Variants in CYP26B1 observed in about 807,000 individuals in gnomAD.
CYP26B1 encodes cytochrome P450 26B1.
CYP26B1 carries 8 observed loss-of-function variants against 39.1 expected under a neutral mutation model. That is an observed-to-expected ratio of 0.20 (90% CI 0.12 to 0.37). The LOEUF is 0.37. Among genes scored for constraint, CYP26B1 ranks in the 10% least tolerant of loss-of-function variants. The pLI is 1.00. For synonymous variants in CYP26B1, 321 were observed against 314.3 expected (o/e 1.02, Z -0.23); for missense variants, 615 against 707.0 (o/e 0.87, Z 1.48).
Position 72,147,618 on chromosome 2 carries a change from A to T in CYP26B1, c.204+13T>A. 1 of 1,604,410 alleles carries T rather than the reference A, an allele frequency of 6.2e-7. No homozygotes were observed. Among genetic ancestry groups the T allele is most frequent in the Non-Finnish European group, 8.5e-7 (1 of 1,176,790 alleles). On this transcript the variant is annotated intron_variant, in intron 1 of 5. Transcript: ENST00000001146. The surrounding 1 kb of genome is among the most constrained non-coding windows in gnomAD (Gnocchi z 6.1). ...GCGGACCCCGGAGTGCAGCGGAGCG[A>T]GCGCGCCCTTACCTGCAGCAGCCAG... is the stretch of plus-strand genomic sequence containing the variant.
At chr2:72,136,711 G>A (rs760734653) in intron 2 of CYP26B1, among the ~76,000 whole-genome samples, 26 of 152,326 alleles carry the variant, frequency 1.7e-4, no homozygotes, top group Non-Finnish European at 3.5e-4. Flanking sequence ...TTGGGGGTCC[G>A]AGGGAATTTC....
At chr2:72,144,321 C>T (rs1468995295) in intron 1 of CYP26B1, 108 bp from the exon 2 acceptor site, 2 of 1,502,988 alleles carry the variant, frequency 1.3e-6, no homozygotes, top group Admixed American at 2.2e-5. Flanking sequence ...CCCCTCTCCC[C>T]ACCAAACACA....
At chr2:72,144,762 G>A (rs1043996072) in intron 1 of CYP26B1, among the ~76,000 whole-genome samples, 2 of 152,220 alleles carry the variant, frequency 1.3e-5, no homozygotes, top group African/African-American at 4.8e-5. Context: ...GCAGGGCGGG[G>A]TCACGGGCCC....
In CYP26B1 at chr2:72,135,277, C is replaced by T. The variant is rs76025186; in HGVS notation, c.572G>A (p.Arg191His). 946 of 1,614,074 alleles carry T rather than the reference C, an allele frequency of 5.9e-4. 5 individuals are homozygous for T. The African/African-American group carries it at 9.4e-3, about 16-fold the overall frequency. Reference sequence around the variant, plus strand: ...GCCCAGCAGCACCCGGATGGCCATGCGGAAGGTCAGCTTCTGCGCCTCCTG... The same window carrying T: ...GCCCAGCAGCACCCGGATGGCCATGTGGAAGGTCAGCTTCTGCGCCTCCTG... ...VYQEAQKLTF[R>H]MAIRVLLGFS... Residue 191 changes from arginine (R) to histidine (H), a missense_variant, in exon 3 of 6, where the codon CGC becomes CAC. Coordinates refer to ENST00000001146, the MANE Select transcript of CYP26B1 (RefSeq NM_019885.4).
rs773772313 is a variant in CYP26B1, at chr2:72,147,849, G to A, written c.-15C>T. 8.6e-5 allele frequency: 130 copies of A among 1,516,160 alleles called. No individual in the cohort carries two copies. Among genetic ancestry groups the A allele is most frequent in the Middle Eastern group, 2.1e-4 (1 of 4,794 alleles). 93.9% of individuals were successfully genotyped at this position (1,516,160 alleles called of 1,614,324 possible). Reference sequence around the variant, plus strand: ...TCAAAGAGCATGTTGGCGGCCGCTCGGGGGATTGGCTGTGCCGGCCGCGGC... The same window carrying A: ...TCAAAGAGCATGTTGGCGGCCGCTCAGGGGATTGGCTGTGCCGGCCGCGGC... On this transcript the variant is annotated 5_prime_UTR_variant, in exon 1 of 6. Coordinates refer to ENST00000001146, the MANE Select transcript of CYP26B1 (RefSeq NM_019885.4). This position sits in a 1 kb window ranked among gnomAD's most constrained non-coding sequence, Gnocchi z 6.1.
intron 2 of CYP26B1, among the ~76,000 whole-genome samples, chr2:72,138,096 A>G (rs1558969493): frequency 6.6e-6 from 1 of 152,124 alleles, no homozygotes; most frequent in Non-Finnish European, 1.5e-5. Flanking sequence ...CGCCCAAATG[A>G]GAAGGCCAGC....
At chr2:72,134,216 G>A (rs1676685583) in intron 4 of CYP26B1, among the ~76,000 whole-genome samples, 2 of 152,062 alleles carry the variant, frequency 1.3e-5, no homozygotes, top group South Asian at 2.1e-4. Flanking sequence ...AGCCCAGGTG[G>A]GGATGGGCGA....
At chr2:72,139,274 C>T (rs947414730) in intron 2 of CYP26B1, among the ~76,000 whole-genome samples, 2 of 152,188 alleles carry the variant, frequency 1.3e-5, no homozygotes, top group African/African-American at 2.4e-5. Context: ...GGCAGGCAGC[C>T]GCTGAGGCAG....
rs745532282 is a variant in CYP26B1 at position 72,147,645 on chromosome 2, G to A, written c.190C>T (p.His64Tyr). 2 of 1,609,652 alleles carry A rather than the reference G, an allele frequency of 1.2e-6. No individual in the cohort carries two copies. Among genetic ancestry groups the A allele is most frequent in the South Asian group, 2.2e-5 (2 of 90,232 alleles). ...CGCGCCCTTACCTGCAGCAGCCAGT[G>A]GCCGGTCTCTCCGATGAGCGGGAAG... ...MGFPLIGETG[H>Y]WLLQGSGFQS... The change falls in exon 1 of 6, where the codon CAC (histidine) becomes TAC (tyrosine). Residue 64 changes from histidine to tyrosine, a missense_variant. Physicochemically the swap from His to Tyr is moderately conservative, Grantham distance 83. Coordinates refer to ENST00000001146, the MANE Select transcript of CYP26B1 (RefSeq NM_019885.4). The surrounding 1 kb of genome is among the most constrained non-coding windows in gnomAD (Gnocchi z 6.1).
At chr2:72,144,687 G>T (rs954625295) in intron 1 of CYP26B1, among the ~76,000 whole-genome samples, 18 of 152,356 alleles carry the variant, frequency 1.2e-4, no homozygotes, top group African/African-American at 4.3e-4. Flanking sequence ...TACAGATGGG[G>T]GTTGGAGTTT....
At chr2:72,132,740 C>A in intron 5 of CYP26B1, 121 bp from the exon 6 acceptor site, 1 of 1,486,586 alleles carries the variant, frequency 6.7e-7, no homozygotes, top group Non-Finnish European at 8.9e-7. Context: ...CTTAGAGACA[C>A]CCCACTGTGG....
At chr2:72,139,986 T>C (rs1368289572) in intron 2 of CYP26B1, among the ~76,000 whole-genome samples, 4 of 152,166 alleles carry the variant, frequency 2.6e-5, no homozygotes, top group Non-Finnish European at 4.4e-5. Context: ...TGTCTCAGGG[T>C]CCTGCAGCTG....
chr2:72,138,638 G>C (rs1198677752), intron 2 of CYP26B1, among the ~76,000 whole-genome samples: 2 of 152,210 alleles, frequency 1.3e-5, no homozygotes, highest in South Asian at 4.1e-4. Flanking sequence ...GGAGTGGCAG[G>C]TATGGACTCC....
rs79240472 is a variant in CYP26B1 at position 72,131,725 on chromosome 2, G to A, written c.*502C>T. 688 of 157,512 alleles carry A rather than the reference G, an allele frequency of 4.4e-3. 20 individuals carry two copies. The highest frequency in any genetic ancestry group is 0.04 in the Admixed American group (633 of 15,928). 9.8% of individuals were successfully genotyped at this position (157,512 alleles called of 1,614,324 possible). Reference sequence around the variant, plus strand: ...GGGAAGGGCAATCTCCAGGTTGGACGCAGCCCCCGCCCCGCCAAGGTTGAC... The same window carrying A: ...GGGAAGGGCAATCTCCAGGTTGGACACAGCCCCCGCCCCGCCAAGGTTGAC... On this transcript the variant is annotated 3_prime_UTR_variant, in exon 6 of 6. Coordinates refer to ENST00000001146, the MANE Select transcript of CYP26B1 (RefSeq NM_019885.4).
intron 2 of CYP26B1, among the ~76,000 whole-genome samples, chr2:72,142,456 C>T (rs958046318): frequency 6.6e-6 from 1 of 152,218 alleles, no homozygotes; most frequent in African/African-American, 2.4e-5. Context: ...TGCAGGCTCT[C>T]CCCGAAATTT....
chr2:72,147,821 C>T lies in CYP26B1; in HGVS notation c.14G>A (p.Gly5Asp). 6.5e-7 allele frequency: 1 copy of T among 1,538,110 alleles called. No individual in the cohort carries two copies. Among genetic ancestry groups the T allele is most frequent in the South Asian group, 1.2e-5 (1 of 82,616 alleles). ...GGCCAGCGCCGACACCAGATCCAAG[C>T]CCTCAAAGAGCATGTTGGCGGCCGC... is the stretch of plus-strand genomic sequence containing the variant. Reference protein sequence around the residue: MLFEGLDLVSALATL... With the variant: MLFEDLDLVSALATL... Residue 5 changes from glycine (G) to aspartate (D), a missense_variant, in exon 1 of 6, where the codon GGC becomes GAC. Transcript: ENST00000001146. The surrounding 1 kb of genome is among the most constrained non-coding windows in gnomAD (Gnocchi z 6.1).
chr2:72,145,175 G>A (rs1677085367), intron 1 of CYP26B1, among the ~76,000 whole-genome samples: 1 of 152,182 alleles, frequency 6.6e-6, no homozygotes, highest in Non-Finnish European at 1.5e-5. Context: ...ACCGACTCGG[G>A]CTCCAGATCT....
chr2:72,134,721 G>A (rs1348982881), intron 4 of CYP26B1, 40 bp downstream of exon 4: 2 of 1,591,144 alleles, frequency 1.3e-6, no homozygotes, highest in African/African-American at 2.7e-5. Flanking sequence ...ATGGAGCCTG[G>A]GTGCTGGTGC....
chr2:72,134,668 G>C (rs1676702765), intron 4 of CYP26B1, 93 bp downstream of exon 4: 3 of 1,532,460 alleles, frequency 2.0e-6, no homozygotes, highest in Admixed American at 2.0e-5. Flanking sequence ...GACTACAGGG[G>C]GTAGAAATGG....
Sources: allele counts gnomAD v4.1 joint callset (sites outside exome capture counted in the v4.1 genomes callset), GRCh38; gene constraint gnomAD v4.1.1; non-coding constraint Gnocchi (gnomAD v3.1); transcripts MANE v1.5; gene names NCBI Gene and HGNC (gene_info 2026-07-23, HGNC 2026-07-21).